Variants in PPP2R1B observed in about 807,000 individuals in gnomAD.
PPP2R1B encodes the protein serine/threonine-protein phosphatase 2A 65 kDa regulatory subunit A beta isoform.
Under a neutral mutation model 72.7 loss-of-function variants are expected in PPP2R1B, and 58 were observed. The ratio of observed to expected loss-of-function variants is 0.80; its 90% CI spans 0.65 to 0.99. PPP2R1B has a LOEUF of 0.99. PPP2R1B is among the 50% of genes least tolerant of loss of function. The probability of loss-of-function intolerance (pLI) is 0.00; values close to 1 mark genes in which losing one functional copy is unlikely to be tolerated. For synonymous variants in PPP2R1B, 256 were observed against 264.6 expected, an observed-to-expected ratio of 0.97 and a Z score of 0.32; for missense variants, 695 against 733.6, an observed-to-expected ratio of 0.95 and a Z score of 0.61.
chr11:111,713,801 T>C, the PPP2R1B span, among the ~76,000 whole-genome samples: 2 of 152,146 alleles, frequency 1.3e-5, no homozygotes, highest in Non-Finnish European at 2.9e-5. Flanking sequence ...ACTCCGTCTC[T>C]ACTAAAAATA....
At chr11:111,699,364 G>A in the PPP2R1B span, among the ~76,000 whole-genome samples, 2 of 152,104 alleles carry the variant, frequency 1.3e-5, no homozygotes, top group African/African-American at 4.8e-5. Context: ...TCTCTGAAAG[G>A]CAACAGTTGG....
intron 5 of PPP2R1B, among the ~76,000 whole-genome samples, chr11:111,759,358 T>C (rs1555050566): frequency 2.0e-5 from 3 of 152,228 alleles, no homozygotes; most frequent in Non-Finnish European, 4.4e-5. Flanking sequence ...TCTTCAGAAT[T>C]GAATACGATT....
rs1565461723 is a variant in PPP2R1B at position 111,754,479 on chromosome 11, CAAAAT to C, written c.1029+15_1029+19del. The C allele has an allele frequency of 1.9e-6, 3 of 1,585,072 alleles. No homozygotes were observed. Among genetic ancestry groups the C allele is most frequent in the Non-Finnish European group, 2.6e-6 (3 of 1,172,216 alleles). ...TACCTTCATATAAAAGAGAGTGAAACAAAATAAAGTCAGGTTTACCTTTATATAAG... is the reference window on the plus strand; with the variant it reads ...TACCTTCATATAAAAGAGAGTGAAACAAAGTCAGGTTTACCTTTATATAAG... On this transcript the variant is annotated intron_variant, in intron 8 of 14. Coordinates refer to ENST00000527614, the MANE Select transcript of PPP2R1B (RefSeq NM_002716.5).
chr11:111,723,907 C>T (rs200148185), downstream of PPP2R1B: 41 of 1,613,646 alleles, frequency 2.5e-5, no homozygotes, highest in Admixed American at 2.0e-4. Context: ...AGCTGCCAAG[C>T]GCTGCTTCCC....
chr11:111,722,861 T>C (rs773242830), downstream of PPP2R1B: 16 of 1,051,962 alleles, frequency 1.5e-5, no homozygotes, highest in Admixed American at 8.6e-5. The surrounding 1 kb of genome is among the most constrained non-coding windows in gnomAD (Gnocchi z 4.4). Flanking sequence ...ACTAGGAAAA[T>C]AGGTTTTCTG....
chr11:111,716,381 A>G, the PPP2R1B span, among the ~76,000 whole-genome samples: 1 of 151,698 alleles, frequency 6.6e-6, no homozygotes. Flanking sequence ...GTTCAAGAAC[A>G]GCCTGGCCAA....
Position 111,741,139 on chromosome 11 carries a change from G to A in PPP2R1B, c.*457C>T. On this transcript the variant is annotated 3_prime_UTR_variant, in exon 15 of 15. Coordinates refer to ENST00000527614, the MANE Select transcript of PPP2R1B (RefSeq NM_002716.5). ...GTCAAATCTCAACATGTCTCCCGAA[G>A]AGTTTATAAAATAAGTTATTCTAAA... 1 of 988,868 alleles carries A rather than the reference G, an allele frequency of 1.0e-6. No homozygotes were observed. The highest frequency in any genetic ancestry group is 1.2e-6 in the Non-Finnish European group (1 of 831,852). The allele number at this position is 988,868 out of a possible 1,614,324, so 61.3% of individuals were successfully genotyped here. A position where few individuals can be genotyped will look rare whatever the true frequency, so the allele number is the denominator to read the frequency against.
intron 15 of PPP2R1B, among the ~76,000 whole-genome samples, chr11:111,731,365 G>A (rs777289605): frequency 6.6e-6 from 1 of 152,192 alleles, no homozygotes; most frequent in South Asian, 2.1e-4. Flanking sequence ...TCTGCCAAAG[G>A]CCTCGACACT....
the PPP2R1B span, chr11:111,720,412 T>C: frequency 3.4e-6 from 5 of 1,476,260 alleles, no homozygotes; most frequent in Non-Finnish European, 4.6e-6. Context: ...CTGGTTATGC[T>C]TTGTACCCTA....
At chr11:111,765,269 T>C (rs372666132) in intron 2 of PPP2R1B, 25 bp downstream of exon 2, 68 of 1,581,276 alleles carry the variant, frequency 4.3e-5, no homozygotes, top group Non-Finnish European at 5.7e-5. Context: ...TGTCCCTACC[T>C]TTCTTTAAAC....
chr11:111,754,171 C>T (rs1555048818), intron 8 of PPP2R1B, among the ~76,000 whole-genome samples: 1 of 152,178 alleles, frequency 6.6e-6, no homozygotes, highest in Non-Finnish European at 1.5e-5. Flanking sequence ...CCCACCTCAG[C>T]GTCCCAAAGT....
At chr11:111,722,639 C>T, downstream of PPP2R1B, 1 of 1,606,946 alleles carries the variant, frequency 6.2e-7, no homozygotes, top group Non-Finnish European at 8.5e-7. This position sits in a 1 kb window ranked among gnomAD's most constrained non-coding sequence, Gnocchi z 4.4. Context: ...CATTGTCACG[C>T]TCATGTTGTT....
At chr11:111,755,273 T>G (rs782399604) in intron 6 of PPP2R1B, 22 bp downstream of exon 6, 1 of 1,587,150 alleles carries the variant, frequency 6.3e-7, no homozygotes, top group South Asian at 1.2e-5. Context: ...ATTTCCTTAG[T>G]ACTTAAAAAT....
At chr11:111,743,600 A>C (rs541054859) in intron 11 of PPP2R1B, 70 bp from the exon 12 acceptor site, 3 of 1,531,624 alleles carry the variant, frequency 2.0e-6, no homozygotes, top group African/African-American at 1.4e-5. Context: ...GTTTACTTAC[A>C]TGAAAATCAA....
At chr11:111,712,191 T>C in the PPP2R1B span, 4 of 1,610,562 alleles carry the variant, frequency 2.5e-6, no homozygotes, top group Non-Finnish European at 3.4e-6. Context: ...CCAAACTGTC[T>C]GTTCTTGCCA....
chr11:111,747,872 C>G (rs1449561725), intron 11 of PPP2R1B, 82 bp downstream of exon 11: 38 of 1,334,084 alleles, frequency 2.8e-5, no homozygotes, highest in Non-Finnish European at 3.5e-5. Flanking sequence ...AATATCTGGT[C>G]AGACTGAGAT....
the PPP2R1B span, chr11:111,701,066 T>C: frequency 6.4e-7 from 1 of 1,572,694 alleles, no homozygotes; most frequent in Non-Finnish European, 8.6e-7. The surrounding 1 kb of genome is among the most constrained non-coding windows in gnomAD (Gnocchi z 4.2). Context: ...ATACTTGGTG[T>C]TCTGGCCCAT....
At chr11:111,717,715 G>A in the PPP2R1B span, among the ~76,000 whole-genome samples, 1 of 152,148 alleles carries the variant, frequency 6.6e-6, no homozygotes, top group Admixed American at 6.5e-5. Context: ...GTGATAGACT[G>A]GATAAAGAAA....
In PPP2R1B at chr11:111,764,925, G is replaced by A; in HGVS notation, c.206-20C>T. On this transcript the variant is annotated intron_variant, in intron 2 of 14. Transcript: ENST00000527614. ...TTGTATCTGGAAGTGACAACAACAG[G>A]ACTCATCAACATGGATAGCTCTCCC... 1 of 1,612,390 alleles carries A rather than the reference G, an allele frequency of 6.2e-7. No individual in the cohort carries two copies. The highest frequency in any genetic ancestry group is 1.3e-5 in the African/African-American group (1 of 75,026).
Sources: gnomAD v4.1 joint callset for allele counts (sites outside exome capture counted in the v4.1 genomes callset) on GRCh38, gnomAD v4.1.1 for gene constraint, Gnocchi (gnomAD v3.1) non-coding constraint, MANE v1.5 for transcripts, NCBI Gene and HGNC (gene_info 2026-07-23, HGNC 2026-07-21) for gene names.